Variants in UBE2QL1 observed in about 807,000 individuals in gnomAD.
UBE2QL1 encodes the protein ubiquitin conjugating enzyme E2 QL1, also known as ubiquitin-conjugating enzyme E2Q-like protein 1.
A neutral mutation model predicts 12.6 loss-of-function variants in UBE2QL1; 5 were observed. The observed-to-expected ratio is 0.40, with a 90% CI of 0.21 to 0.83. The LOEUF is 0.83. Among genes scored for constraint, UBE2QL1 ranks in the 40% least tolerant of loss-of-function variants. The probability of loss-of-function intolerance (pLI) is 0.37; values close to 1 mark genes in which losing one functional copy is unlikely to be tolerated. For missense variants in UBE2QL1, 99 were observed against 222.6 expected, an observed-to-expected ratio of 0.44 and a Z score of 3.53; for synonymous variants, 96 against 94.5, an observed-to-expected ratio of 1.02 and a Z score of -0.10.
chr5:6,463,773 G>A (rs1323250572), intron 1 of UBE2QL1, among the ~76,000 whole-genome samples: 17 of 148,530 alleles, frequency 1.1e-4, no homozygotes, highest in African/African-American at 3.0e-4. Flanking sequence ...GACTACAGGC[G>A]CCCGCCACCA....
intron 1 of UBE2QL1, among the ~76,000 whole-genome samples, chr5:6,488,815 A>AAAAAG (rs111499555): frequency 0.19 from 28,891 of 150,952 alleles, 6,129 homozygotes; most frequent in African/African-American, 0.53. Flanking sequence ...AGAAAAAAAA[A>AAAAAG]AAGAAGAAAT....
intron 1 of UBE2QL1, among the ~76,000 whole-genome samples, chr5:6,453,072 T>TGCAGCA (rs900775501): frequency 1.3e-5 from 2 of 152,096 alleles, no homozygotes; most frequent in African/African-American, 2.4e-5. Context: ...TAATAATAAC[T>TGCAGCA]GCAGCAGCAG....
At chr5:6,464,179 T>G (rs1282725780) in intron 1 of UBE2QL1, among the ~76,000 whole-genome samples, 2 of 152,188 alleles carry the variant, frequency 1.3e-5, no homozygotes, top group Non-Finnish European at 2.9e-5. Context: ...CAAGGTCAGT[T>G]GTAAACCAAG....
At chr5:6,474,989 T>C (rs186346514) in intron 1 of UBE2QL1, among the ~76,000 whole-genome samples, 1 of 152,238 alleles carries the variant, frequency 6.6e-6, no homozygotes, top group African/African-American at 2.4e-5. Flanking sequence ...TGAGCATGTG[T>C]GTGCATGTGA....
At chr5:6,484,235 C>T (rs1371174910) in intron 1 of UBE2QL1, among the ~76,000 whole-genome samples, 4 of 152,168 alleles carry the variant, frequency 2.6e-5, no homozygotes, top group East Asian at 3.9e-4. Flanking sequence ...ATGTTGGCGT[C>T]GGAGGGGCAG....
intron 1 of UBE2QL1, among the ~76,000 whole-genome samples, chr5:6,451,389 G>T (rs1579284392): frequency 1.3e-5 from 2 of 152,170 alleles, no homozygotes; most frequent in African/African-American, 4.8e-5. Flanking sequence ...AAATACACGG[G>T]TCCTTGTAAG....
At chr5:6,471,304 G>A (rs1739908642) in intron 1 of UBE2QL1, among the ~76,000 whole-genome samples, 1 of 152,212 alleles carries the variant, frequency 6.6e-6, no homozygotes, top group African/African-American at 2.4e-5. Flanking sequence ...AGTTTCTGTA[G>A]TTGAGGAATC....
chr5:6,459,276 C>A (rs1049878487), intron 1 of UBE2QL1, among the ~76,000 whole-genome samples: 34 of 152,154 alleles, frequency 2.2e-4, no homozygotes, highest in Non-Finnish European at 4.6e-4. Flanking sequence ...TACCGTAAGT[C>A]ACAAATAAAA....
chr5:6,490,685 TAG>T (rs1000998252), intron 1 of UBE2QL1, among the ~76,000 whole-genome samples: 2 of 152,230 alleles, frequency 1.3e-5, no homozygotes, highest in South Asian at 2.1e-4. Context: ...TTTTAAAAAA[TAG>T]AGTTTTAAAT....
intron 1 of UBE2QL1, among the ~76,000 whole-genome samples, chr5:6,485,469 G>A (rs763741375): frequency 6.6e-6 from 1 of 152,204 alleles, no homozygotes; most frequent in Non-Finnish European, 1.5e-5. Context: ...ATGCTTGTAA[G>A]CATTGGTTTT....
chr5:6,471,445 TG>T (rs1328917437), intron 1 of UBE2QL1, among the ~76,000 whole-genome samples: 3 of 152,334 alleles, frequency 2.0e-5, no homozygotes, highest in Middle Eastern at 3.4e-3. Context: ...ACTCATGTGC[TG>T]GCAGCAGGAT....
chr5:6,474,650 C>A (rs1404789112), intron 1 of UBE2QL1, among the ~76,000 whole-genome samples: 1 of 152,218 alleles, frequency 6.6e-6, no homozygotes, highest in Non-Finnish European at 1.5e-5. Flanking sequence ...CTTTGGAATT[C>A]TAACTGTGGC....
At chr5:6,453,673 A>G (rs1739454291) in intron 1 of UBE2QL1, among the ~76,000 whole-genome samples, 1 of 151,580 alleles carries the variant, frequency 6.6e-6, no homozygotes, top group Non-Finnish European at 1.5e-5. Flanking sequence ...GGGCCACACC[A>G]TGGTGTCACT....
At chr5:6,467,501 G>C (rs1225656429) in intron 1 of UBE2QL1, among the ~76,000 whole-genome samples, 5 of 152,050 alleles carry the variant, frequency 3.3e-5, no homozygotes, top group African/African-American at 9.7e-5. Flanking sequence ...TATTGGATTA[G>C]GCCCCAACCT....
chr5:6,486,406 C>T (rs1315480183), intron 1 of UBE2QL1, among the ~76,000 whole-genome samples: 2 of 152,066 alleles, frequency 1.3e-5, no homozygotes, highest in African/African-American at 2.4e-5. Context: ...TGAGCCATTT[C>T]ACACCTTCAA....
rs1734621981 is a variant in UBE2QL1, at chr5:6,493,842, G to A, written c.*2493G>A. 1 of 152,206 alleles carries A rather than the reference G, an allele frequency of 6.6e-6. No homozygotes were observed. The highest frequency in any genetic ancestry group is 1.5e-5 in the Non-Finnish European group (1 of 68,052). The allele number at this position is 152,206 out of a possible 1,614,324, so 9.4% of individuals were successfully genotyped here. A position where few individuals can be genotyped will look rare whatever the true frequency, so the allele number is the denominator to read the frequency against. Reference sequence around the variant, plus strand: ...GGCACCCTTAGGACACTGAGCACAGGCCTGGCTGCCTGTGCCTTGGCCACA... The same window carrying A: ...GGCACCCTTAGGACACTGAGCACAGACCTGGCTGCCTGTGCCTTGGCCACA... On this transcript the variant is annotated 3_prime_UTR_variant, in exon 2 of 2. Coordinates refer to ENST00000399816, the MANE Select transcript of UBE2QL1 (RefSeq NM_001145161.3).
chr5:6,466,471 G>A (rs1049414288), intron 1 of UBE2QL1, among the ~76,000 whole-genome samples: 4 of 152,240 alleles, frequency 2.6e-5, no homozygotes, highest in African/African-American at 4.8e-5. Flanking sequence ...GGGGCTGGAC[G>A]CTCCCCCAGG....
In UBE2QL1 at chr5:6,493,848, C is replaced by T. The variant is rs1734622173; in HGVS notation, c.*2499C>T. On this transcript the variant is annotated 3_prime_UTR_variant, in exon 2 of 2. Transcript: ENST00000399816. ...CTTAGGACACTGAGCACAGGCCTGGCTGCCTGTGCCTTGGCCACAGCCTCC... is the reference window on the plus strand; with the variant it reads ...CTTAGGACACTGAGCACAGGCCTGGTTGCCTGTGCCTTGGCCACAGCCTCC... 6.6e-6 allele frequency: 1 copy of T among 152,182 alleles called. No individual in the cohort carries two copies. The highest frequency in any genetic ancestry group is 2.4e-5 in the African/African-American group (1 of 41,424). 9.4% of individuals were successfully genotyped at this position (152,182 alleles called of 1,614,324 possible).
chr5:6,468,635 A>G (rs1739844606), intron 1 of UBE2QL1, among the ~76,000 whole-genome samples: 1 of 152,108 alleles, frequency 6.6e-6, no homozygotes, highest in Non-Finnish European at 1.5e-5. Flanking sequence ...CTTAATCACC[A>G]TTTTCATCAT....
Sources: allele counts gnomAD v4.1 joint callset (sites outside exome capture counted in the v4.1 genomes callset), GRCh38; gene constraint gnomAD v4.1.1; transcripts MANE v1.5; gene names NCBI Gene and HGNC (gene_info 2026-07-23, HGNC 2026-07-21).